LEPROTL1: variants seen among roughly 807,000 people sequenced by gnomAD.
LEPROTL1 encodes the protein leptin receptor overlapping transcript-like 1.
A neutral mutation model predicts 15.4 loss-of-function variants in LEPROTL1; 6 were observed. That is an observed-to-expected ratio of 0.39 (90% CI 0.21 to 0.77). The LOEUF (loss-of-function observed/expected upper bound fraction) is 0.77, where lower values mean the gene tolerates loss of function less well. LEPROTL1 is among the 30% of genes least tolerant of loss of function. The probability of loss-of-function intolerance (pLI) is 0.41; values close to 1 mark genes in which losing one functional copy is unlikely to be tolerated. For missense variants in LEPROTL1, 128 were observed against 158.1 expected, an observed-to-expected ratio of 0.81 and a Z score of 1.02; for synonymous variants, 56 against 52.6, an observed-to-expected ratio of 1.06 and a Z score of -0.28.
At chr8:30,095,788 G>GC (rs1479624570) in intron 1 of LEPROTL1, 5 of 699,184 alleles carry the variant, frequency 7.2e-6, no homozygotes, top group East Asian at 2.7e-5. Flanking sequence ...CCCACCCATC[G>GC]CCCCCCGGAC....
At position 30,115,754 on chromosome 8, in the gene LEPROTL1, C is replaced by T. The variant is rs186443577; in HGVS notation, c.279+11268C>T. Among the ~76,000 whole-genome samples the T allele has an allele frequency of 3.1e-3, 477 of 151,840 alleles. 7 individuals carry two copies. Among genetic ancestry groups the T allele is most frequent in the African/African-American group, 0.011 (464 of 41,364 alleles). On this transcript the variant is annotated intron_variant, in intron 3 of 4. Coordinates refer to the LEPROTL1 transcript ENST00000442880. ...AGGGGCATTATTCTCATTAGTAATC[C>T]AATAAATGAAATTTAAACATCAATA...
intron 3 of LEPROTL1, among the ~76,000 whole-genome samples, chr8:30,127,561 T>C (rs1222519157): frequency 1.3e-5 from 2 of 151,674 alleles, no homozygotes; most frequent in African/African-American, 4.8e-5. Flanking sequence ...ATTCTATACT[T>C]GGGAGGCAGA....
chr8:30,122,566 G>A (rs910918698), intron 3 of LEPROTL1, among the ~76,000 whole-genome samples: 4 of 152,094 alleles, frequency 2.6e-5, no homozygotes, highest in Non-Finnish European at 5.9e-5. Flanking sequence ...CAAGGCAGGT[G>A]GATCACTTGA....
chr8:30,112,597 G>C (rs1563215940), downstream of LEPROTL1, among the ~76,000 whole-genome samples: 1 of 151,452 alleles, frequency 6.6e-6, no homozygotes, highest in Non-Finnish European at 1.5e-5. Context: ...GGGTTTACAT[G>C]GTAGCACACA....
downstream of LEPROTL1, among the ~76,000 whole-genome samples, chr8:30,109,884 A>G (rs553409913): frequency 7.9e-5 from 12 of 151,928 alleles, no homozygotes; most frequent in African/African-American, 2.9e-4. Context: ...TTTTAACTGT[A>G]TACTAGATAA....
exon 5 of LEPROTL1, chr8:30,137,363 C>T (rs1321371393): frequency 6.4e-7 from 1 of 1,551,566 alleles, no homozygotes; most frequent in African/African-American, 1.4e-5. Context: ...CCAGCAGCCG[C>T]CATGAGAAGA....
chr8:30,118,860 T>G (rs966708916), intron 3 of LEPROTL1, among the ~76,000 whole-genome samples: 2 of 152,202 alleles, frequency 1.3e-5, no homozygotes, highest in Non-Finnish European at 2.9e-5. Flanking sequence ...AGGCCGGATT[T>G]ATGCTTCTCT....
chr8:30,125,150 A>G (rs570304369), intron 3 of LEPROTL1, among the ~76,000 whole-genome samples: 20 of 152,330 alleles, frequency 1.3e-4, no homozygotes, highest in South Asian at 2.1e-4. Context: ...TTTCTGAAGA[A>G]AAAGGTGCAG....
intron 3 of LEPROTL1, among the ~76,000 whole-genome samples, chr8:30,130,369 A>ATGGGTAAGTTTTG (rs1374801192): frequency 6.6e-6 from 1 of 152,242 alleles, no homozygotes; most frequent in Non-Finnish European, 1.5e-5. Context: ...GGTAAGTTTT[A>ATGGGTAAGTTTTG]TAAGTAAGTT....
At chr8:30,137,626 T>TTTATCGGTCTGG in exon 5 of LEPROTL1, 1 of 756,234 alleles carries the variant, frequency 1.3e-6, no homozygotes. Flanking sequence ...ACTGAGACAG[T>TTTATCGGTCTGG]GAAAGAAGTC....
At chr8:30,112,401 A>ATTTTTTTTTTTTTTTTTTTTT (rs10684450), downstream of LEPROTL1, among the ~76,000 whole-genome samples, 31 of 27,892 alleles carry the variant, frequency 1.1e-3, 6 homozygotes, top group Non-Finnish European at 1.6e-3. Context: ...TGCCCAGCTA[A>ATTTTTTTTTTTTTTTTTTTTT]TTTTTTTTTT....
chr8:30,113,910 A>G (rs374359226), intron 3 of LEPROTL1, among the ~76,000 whole-genome samples: 214 of 152,296 alleles, frequency 1.4e-3, no homozygotes, highest in African/African-American at 5.0e-3. Flanking sequence ...CCGTTTTTAC[A>G]GTTTTAAGTA....
chr8:30,105,158 G>C (rs1045091919), intron 3 of LEPROTL1: 1 of 152,414 alleles, frequency 6.6e-6, no homozygotes, highest in Admixed American at 6.5e-5. Flanking sequence ...AAGAGGGGAA[G>C]GGGCTGGCTA....
chr8:30,133,357 T>C (rs1297540558), intron 4 of LEPROTL1, among the ~76,000 whole-genome samples: 1 of 152,230 alleles, frequency 6.6e-6, no homozygotes, highest in African/African-American at 2.4e-5. Flanking sequence ...TTTGTAATGA[T>C]CATGTGTGTT....
chr8:30,112,450 G>C (rs1403789924), downstream of LEPROTL1, among the ~76,000 whole-genome samples: 1 of 102,538 alleles, frequency 9.8e-6, no homozygotes, highest in Non-Finnish European at 2.0e-5. Flanking sequence ...GGTAGGCACA[G>C]GGTTTCACCA....
In LEPROTL1 at chr8:30,132,229, T is replaced by A. The variant is rs1044020317; in HGVS notation, c.280-146T>A. On this transcript the variant is annotated intron_variant, in intron 3 of 4. Coordinates refer to the LEPROTL1 transcript ENST00000442880. ...AACGAAACCAAACACCTGTCCTGGA[T>A]GGAGTCCATGCCACCAGGCAGAGAA... The A allele has an allele frequency of 5.2e-6, 8 of 1,551,704 alleles. No individual in the cohort carries two copies. The highest frequency in any genetic ancestry group is 2.0e-5 in the Admixed American group (1 of 50,976).
chr8:30,106,224 A>G lies in LEPROTL1; in HGVS notation c.*362A>G. On this transcript the variant is annotated 3_prime_UTR_variant, in exon 4 of 4. Coordinates refer to ENST00000321250, the MANE Select transcript of LEPROTL1 (RefSeq NM_015344.3). ...TCATTTGCATTGGTTAGGAATTCAGAATTCCGCCGGCTCTATTACTGGTCA... is the reference window on the plus strand; with the variant it reads ...TCATTTGCATTGGTTAGGAATTCAGGATTCCGCCGGCTCTATTACTGGTCA... 1.0e-6 allele frequency: 1 copy of G among 986,184 alleles called. No individual in the cohort carries two copies. The highest frequency in any genetic ancestry group is 1.2e-6 in the Non-Finnish European group (1 of 830,152). The allele number at this position is 986,184 out of a possible 1,614,324, so 61.1% of individuals were successfully genotyped here. A position where few individuals can be genotyped will look rare whatever the true frequency, so the allele number is the denominator to read the frequency against.
chr8:30,128,292 C>T (rs994024731), intron 3 of LEPROTL1, among the ~76,000 whole-genome samples: 7 of 152,154 alleles, frequency 4.6e-5, no homozygotes, highest in Admixed American at 2.6e-4. Context: ...AGGAAGCAGA[C>T]GTCCTGGTTT....
In LEPROTL1 at chr8:30,104,288, T is replaced by C; in HGVS notation, c.93-12T>C. 15 of 1,443,946 alleles carry C rather than the reference T, an allele frequency of 1.0e-5. No homozygotes were observed. The highest frequency in any genetic ancestry group is 1.4e-5 in the Non-Finnish European group (15 of 1,080,434). The allele number at this position is 1,443,946 out of a possible 1,614,324, so 89.4% of individuals were successfully genotyped here. On this transcript the variant is annotated splice_polypyrimidine_tract_variant and intron_variant, in intron 2 of 3. Transcript: ENST00000321250. Reference sequence around the variant, plus strand: ...TAGCAAAAATTACATTAACTTATTTTTCTTTTTCTAGCAAATACTGGCCCC... The same window carrying C: ...TAGCAAAAATTACATTAACTTATTTCTCTTTTTCTAGCAAATACTGGCCCC...
Sources: allele counts gnomAD v4.1 joint callset (sites outside exome capture counted in the v4.1 genomes callset), GRCh38; gene constraint gnomAD v4.1.1; transcripts MANE v1.5; gene names NCBI Gene and HGNC (gene_info 2026-07-23, HGNC 2026-07-21).